NOX1: variants seen among roughly 807,000 people sequenced by gnomAD.
NOX1 encodes NADH/NADPH mitogenic oxidase subunit P65-MOX.
NOX1 carries 34 observed loss-of-function variants against 42.5 expected under a neutral mutation model. The ratio of observed to expected loss-of-function variants is 0.80; its 90% CI spans 0.61 to 1.07. NOX1 has a LOEUF of 1.07. NOX1 is among the 50% of genes least tolerant of loss of function. The pLI is 0.00. For missense variants in NOX1, 408 were observed against 427.0 expected (o/e 0.96, Z 0.39); for synonymous variants, 143 against 152.5 (o/e 0.94, Z 0.46).
At chrX:100,858,350 G>A (rs1032431936) in intron 7 of NOX1, among the ~76,000 whole-genome samples, 2 of 112,184 alleles carry the variant, frequency 1.8e-5, no homozygotes, top group Non-Finnish European at 3.8e-5. Flanking sequence ...ATAGTTTGAA[G>A]TTGGGTAACA....
At chrX:100,862,639 C>T in intron 5 of NOX1, 30 bp downstream of exon 5, 5 of 1,191,313 alleles carry the variant, frequency 4.2e-6, no homozygotes, top group Non-Finnish European at 5.6e-6. Flanking sequence ...ATGACCAGAT[C>T]TCAGATGCTT....
At position 100,863,187 on chromosome X, in the gene NOX1, C is replaced by G. The variant is rs762831450; in HGVS notation, c.309G>C (p.Leu103=). 8.3e-7 allele frequency: 1 copy of G among 1,208,363 alleles called. No individual in the cohort carries two copies. ...QLDHNLTFHK[L]VAYMICLHTA... ...TATGTAGGCAGATCATATAGGCCAC[C>G]AGCTTGTGGAAGGTGAGGTTGTGAT... Residue 103 remains leucine (L), a synonymous_variant, in exon 4 of 13, where the codon CTG becomes CTC. Transcript: ENST00000372966.
chrX:100,851,313 T>C lies in NOX1; in HGVS notation c.817A>G (p.Ile273Val). The change falls in exon 8 of 13, where the codon ATC becomes GTC. Residue 273 changes from isoleucine (I) to valine (V), a missense_variant. Physicochemically the swap from Ile to Val is conservative, Grantham distance 29 (BLOSUM62 3). Coordinates refer to ENST00000372966, the MANE Select transcript of NOX1 (RefSeq NM_007052.5). ...ATATAAAGAATGACCGGTGCAAGGATCCACTTCCAAGACTGCACAGAGACA... is the reference window on the plus strand; with the variant it reads ...ATATAAAGAATGACCGGTGCAAGGACCCACTTCCAAGACTGCACAGAGACA... Reference protein sequence around the residue: ...EGHPPESWKWILAPVILYICE... With the variant: ...EGHPPESWKWVLAPVILYICE... 8.6e-7 allele frequency: 1 copy of C among 1,168,254 alleles called. No individual in the cohort carries two copies. Among genetic ancestry groups the C allele is most frequent in the Non-Finnish European group, 1.2e-6 (1 of 861,745 alleles).
At chrX:100,845,607 ATG>A (rs2085067227) in intron 12 of NOX1, among the ~76,000 whole-genome samples, 2 of 75,407 alleles carry the variant, frequency 2.7e-5, no homozygotes, top group Admixed American at 1.7e-4. Flanking sequence ...TATGGAAACT[ATG>A]TGTTTTTTTT....
chrX:100,856,496 C>T, intron 7 of NOX1: 1 of 336,194 alleles, frequency 3.0e-6, no homozygotes, highest in Non-Finnish European at 5.2e-6. Flanking sequence ...AATACAGATC[C>T]CTGGTTATGA....
chrX:100,849,178 G>A, intron 11 of NOX1, 102 bp downstream of exon 11: 2 of 891,621 alleles, frequency 2.2e-6, no homozygotes, highest in Non-Finnish European at 3.1e-6. Context: ...TGTGAGGGCA[G>A]GTAGGAAATC....
At chrX:100,855,704 A>G (rs1387186603) in intron 7 of NOX1, 2 of 1,036,417 alleles carry the variant, frequency 1.9e-6, no homozygotes, top group African/African-American at 3.7e-5. Context: ...CATATCCACC[A>G]CCATCATGGC....
rs1404377959 is a variant in NOX1, at chrX:100,855,230, C to A, written c.805-3905G>T. Reference sequence around the variant, plus strand: ...GGCTGAGTTCATGAATCTGTTGTAACCTGTAGCTTCTCTGTCACTTCTCTG... The same window carrying A: ...GGCTGAGTTCATGAATCTGTTGTAAACTGTAGCTTCTCTGTCACTTCTCTG... On this transcript the variant is annotated intron_variant, in intron 7 of 12. Transcript: ENST00000372966. 15 of 501,996 alleles carry A rather than the reference C, an allele frequency of 3.0e-5. No homozygotes were observed. The East Asian group carries it at 5.3e-4, about 18-fold the overall frequency. 41.4% of individuals were successfully genotyped at this position (501,996 alleles called of 1,213,427 possible).
chrX:100,850,542 G>C (rs1193411876), intron 8 of NOX1, among the ~76,000 whole-genome samples, 156 bp from the exon 9 acceptor site: 2 of 112,427 alleles, frequency 1.8e-5, no homozygotes, highest in Non-Finnish European at 3.8e-5. Flanking sequence ...GCTCCAGACA[G>C]TGGTTGCGAT....
At position 100,843,827 on chromosome X, in the gene NOX1, C is replaced by G. The variant is rs2085052866; in HGVS notation, c.*125G>C. On this transcript the variant is annotated 3_prime_UTR_variant, in exon 13 of 13. Coordinates refer to ENST00000372966, the MANE Select transcript of NOX1 (RefSeq NM_007052.5). ...GTTGAATGCAATCAAAAAAAGAATACCAGGGAGTCAAGGCTTGAGAGGCAC... is the reference window on the plus strand; with the variant it reads ...GTTGAATGCAATCAAAAAAAGAATAGCAGGGAGTCAAGGCTTGAGAGGCAC... The G allele has an allele frequency of 3.5e-5, 18 of 513,338 alleles. No homozygotes were observed. The East Asian group carries it at 4.2e-4, about 12-fold the overall frequency. The allele number at this position is 513,338 out of a possible 1,213,427, so 42.3% of individuals were successfully genotyped here.
At chrX:100,871,065 C>A (rs2085271764) in intron 1 of NOX1, among the ~76,000 whole-genome samples, 1 of 112,192 alleles carries the variant, frequency 8.9e-6, no homozygotes, top group Non-Finnish European at 1.9e-5. Context: ...TTTGCCACAG[C>A]CTGCAAGCTC....
chrX:100,867,688 T>C (rs922728578), intron 2 of NOX1, among the ~76,000 whole-genome samples: 2 of 109,137 alleles, frequency 1.8e-5, no homozygotes, highest in South Asian at 4.0e-4. Context: ...ACCATGATCA[T>C]GCCACTGCAT....
intron 7 of NOX1, 84 bp from the exon 8 acceptor site, chrX:100,851,409 T>C: frequency 2.2e-6 from 1 of 457,703 alleles, no homozygotes; most frequent in Non-Finnish European, 3.5e-6. Flanking sequence ...TCCTTCATTC[T>C]TTACTGAGTT....
At chrX:100,867,888 AG>A (rs2085249429) in intron 2 of NOX1, among the ~76,000 whole-genome samples, 1 of 111,188 alleles carries the variant, frequency 9.0e-6, no homozygotes, top group Non-Finnish European at 1.9e-5. Context: ...GAATAAAGAA[AG>A]GAAGAAAGAG....
rs201874075 is a variant in NOX1 at position 100,874,192 on chromosome X, C to T, written c.-53G>A. On this transcript the variant is annotated 5_prime_UTR_variant, in exon 1 of 13. Transcript: ENST00000372966. ...AGGCAACAGGGAAGATTCAGCAATC[C>T]GGATTCTGGAGAGGTCCTTCAGGAA... is the stretch of plus-strand genomic sequence containing the variant. 154 of 923,989 alleles carry T rather than the reference C, an allele frequency of 1.7e-4. No individual in the cohort carries two copies. In the East Asian group the frequency reaches 3.3e-3, roughly 20 times the overall value. The allele number at this position is 923,989 out of a possible 1,213,427, so 76.1% of individuals were successfully genotyped here. A position where few individuals can be genotyped will look rare whatever the true frequency, so the allele number is the denominator to read the frequency against.
intron 7 of NOX1, among the ~76,000 whole-genome samples, chrX:100,852,387 C>A (rs1330483068): frequency 9.0e-6 from 1 of 111,103 alleles, no homozygotes; most frequent in African/African-American, 3.3e-5. Context: ...GAGAATCACT[C>A]GAACCCAGGA....
At chrX:100,866,968 A>G (rs746376856) in intron 2 of NOX1, among the ~76,000 whole-genome samples, 25 of 111,754 alleles carry the variant, frequency 2.2e-4, no homozygotes, top group Admixed American at 9.5e-4. Flanking sequence ...ACTTGAGCCC[A>G]GGAGTTTTGA....
chrX:100,844,206 C>G, intron 12 of NOX1, 128 bp from the exon 13 acceptor site: 1 of 615,463 alleles, frequency 1.6e-6, no homozygotes, highest in South Asian at 3.5e-5. Context: ...CCACGTTCTT[C>G]ATGGTAGTTT....
intron 3 of NOX1, 82 bp from the exon 4 acceptor site, chrX:100,863,325 T>C: frequency 1.1e-6 from 1 of 942,615 alleles, no homozygotes; most frequent in African/African-American, 1.9e-5. Context: ...ATGTCTTGCA[T>C]ATAGCATGCC....
Sources: allele counts gnomAD v4.1 joint callset (sites outside exome capture counted in the v4.1 genomes callset), GRCh38; gene constraint gnomAD v4.1.1; transcripts MANE v1.5; gene names NCBI Gene and HGNC (gene_info 2026-07-23, HGNC 2026-07-21).